STYK1: variants seen among roughly 807,000 people sequenced by gnomAD.
STYK1 encodes the protein STY kinase 1.
Under a neutral mutation model 48.1 loss-of-function variants are expected in STYK1, and 46 were observed. The ratio of observed to expected loss-of-function variants is 0.96; its 90% CI spans 0.75 to 1.22. The LOEUF (loss-of-function observed/expected upper bound fraction) is 1.22. Among genes scored for constraint, STYK1 ranks in the 50% most tolerant of loss-of-function variants. The probability of loss-of-function intolerance (pLI) is 0.00; values close to 1 mark genes in which losing one functional copy is unlikely to be tolerated. For missense variants in STYK1, 527 were observed against 521.1 expected (o/e 1.01, Z -0.11); for synonymous variants, 188 against 189.0 (o/e 0.99, Z 0.04).
chr12:10,624,939 T>C, intron 7 of STYK1, 80 bp from the exon 8 acceptor site: 2 of 1,289,632 alleles, frequency 1.6e-6, no homozygotes, highest in Admixed American at 3.5e-5. Context: ...GTCCTAGGAA[T>C]CTTCAAAAAC....
intron 8 of STYK1, among the ~76,000 whole-genome samples, chr12:10,623,661 GA>G (rs1251217727): frequency 6.6e-6 from 1 of 152,122 alleles, no homozygotes; most frequent in East Asian, 1.9e-4. Flanking sequence ...ATAAACTGCT[GA>G]AAAAGAAAGT....
chr12:10,648,077 A>C (rs1402367590), intron 1 of STYK1, among the ~76,000 whole-genome samples: 1 of 152,202 alleles, frequency 6.6e-6, no homozygotes, highest in African/African-American at 2.4e-5. Context: ...ATGACTTCAG[A>C]TATCAGCTTC....
chr12:10,620,429 A>G (rs1407712292), intron 10 of STYK1, 81 bp from the exon 11 acceptor site: 3 of 1,301,128 alleles, frequency 2.3e-6, no homozygotes. Flanking sequence ...ACAAACTTTA[A>G]CAAACAACTC....
Position 10,619,939 on chromosome 12 carries a change from G to T in STYK1, c.*205C>A. On this transcript the variant is annotated 3_prime_UTR_variant, in exon 11 of 11. Transcript: ENST00000075503. ...GATTTCTAGGACTGGGACAGCAGAA[G>T]TGAGACTGACAGTATGTCTTAGCTC... The T allele has an allele frequency of 1.6e-6, 1 of 627,468 alleles. No individual in the cohort carries two copies. Among genetic ancestry groups the T allele is most frequent in the Non-Finnish European group, 2.8e-6 (1 of 360,736 alleles). 38.9% of individuals were successfully genotyped at this position (627,468 alleles called of 1,614,324 possible). A position where few individuals can be genotyped will look rare whatever the true frequency, so the allele number is the denominator to read the frequency against.
At chr12:10,650,865 C>T (rs562539505) in intron 1 of STYK1, among the ~76,000 whole-genome samples, 7 of 152,008 alleles carry the variant, frequency 4.6e-5, no homozygotes, top group Non-Finnish European at 1.0e-4. Context: ...ATTAGCCGGG[C>T]GTGGTGGCAC....
chr12:10,648,027 C>T (rs1947619901), intron 1 of STYK1, among the ~76,000 whole-genome samples: 1 of 152,130 alleles, frequency 6.6e-6, no homozygotes, highest in Admixed American at 6.6e-5. Context: ...TAATACACCA[C>T]TCCTCTTAGA....
In STYK1 at chr12:10,620,184, A is replaced by T. The variant is rs1865883473; in HGVS notation, c.1229T>A (p.Ile410Asn). 6.2e-7 allele frequency: 1 copy of T among 1,614,068 alleles called. No individual in the cohort carries two copies. Among genetic ancestry groups the T allele is most frequent in the Admixed American group, 1.7e-5 (1 of 59,994 alleles). Residue 410 changes from isoleucine (I) to asparagine (N), a missense_variant, in exon 11 of 11, where the codon ATC becomes AAC. Transcript: ENST00000075503. ...GTTGTAGAAGAGGCTCTCCACTCTG[A>T]TGCCGGCCACAGCTGCATACAGTTC... ...VPELYAAVAG[I>N]RVESLFYNYS...
chr12:10,665,019 A>G (rs1335424518), intron 1 of STYK1, among the ~76,000 whole-genome samples: 2 of 151,448 alleles, frequency 1.3e-5, no homozygotes, highest in Admixed American at 6.6e-5. Context: ...GGACCTTCCA[A>G]TCATGAATCC....
At chr12:10,652,199 ACT>A (rs1947669578) in intron 1 of STYK1, among the ~76,000 whole-genome samples, 1 of 151,982 alleles carries the variant, frequency 6.6e-6, no homozygotes, top group East Asian at 1.9e-4. Context: ...AATTCACCAG[ACT>A]CTAATTTATT....
At chr12:10,653,352 C>G (rs1240312789) in intron 1 of STYK1, among the ~76,000 whole-genome samples, 2 of 151,842 alleles carry the variant, frequency 1.3e-5, no homozygotes, top group Non-Finnish European at 2.9e-5. Flanking sequence ...ATGCCTGGCC[C>G]AATTAACATA....
At chr12:10,651,539 G>C (rs185274760) in intron 1 of STYK1, among the ~76,000 whole-genome samples, 1 of 152,268 alleles carries the variant, frequency 6.6e-6, no homozygotes, top group East Asian at 1.9e-4. Context: ...ACAACACCTA[G>C]TACATAGTAA....
chr12:10,670,995 A>ATTTT (rs763044772), intron 1 of STYK1, among the ~76,000 whole-genome samples: 4,387 of 110,408 alleles, frequency 0.04, 391 homozygotes, highest in African/African-American at 0.074. Context: ...GAATATATTG[A>ATTTT]TTTTTTTTTT....
intron 1 of STYK1, among the ~76,000 whole-genome samples, chr12:10,663,384 G>A (rs954816162): frequency 5.3e-5 from 8 of 151,880 alleles, no homozygotes; most frequent in South Asian, 2.1e-4. Flanking sequence ...AGGCTGAGGC[G>A]GGAGGATCAT....
intron 6 of STYK1, among the ~76,000 whole-genome samples, chr12:10,628,598 G>C (rs983143843): frequency 9.9e-5 from 15 of 152,156 alleles, no homozygotes; most frequent in African/African-American, 2.4e-4. Flanking sequence ...TACACATTCA[G>C]TTGTACAATA....
At chr12:10,661,539 T>C (rs1010761976) in intron 1 of STYK1, among the ~76,000 whole-genome samples, 2 of 152,252 alleles carry the variant, frequency 1.3e-5, no homozygotes, top group Admixed American at 6.5e-5. Context: ...CTGGTTTTGA[T>C]TCCCACTATT....
chr12:10,634,671 C>G lies in STYK1; in HGVS notation c.-53G>C. 6.3e-7 allele frequency: 1 copy of G among 1,589,436 alleles called. No individual in the cohort carries two copies. Among genetic ancestry groups the G allele is most frequent in the Non-Finnish European group, 8.6e-7 (1 of 1,160,476 alleles). On this transcript the variant is annotated 5_prime_UTR_variant, in exon 3 of 11. Coordinates refer to ENST00000075503, the MANE Select transcript of STYK1 (RefSeq NM_018423.3). ...AGGCCCACAGAGAATGCACACAGCA[C>G]AGCTGTGAGTAATTCCTAAGGATTG...
chr12:10,664,880 G>A (rs1375528149), intron 1 of STYK1, among the ~76,000 whole-genome samples: 5 of 152,004 alleles, frequency 3.3e-5, no homozygotes, highest in Non-Finnish European at 7.4e-5. Flanking sequence ...CCCCATTTTT[G>A]TAATAGGAAA....
chr12:10,637,336 A>AT (rs531819965), intron 1 of STYK1, 140 bp from the exon 2 acceptor site: 1,427 of 130,658 alleles, frequency 0.011, 25 homozygotes, highest in African/African-American at 0.024. Context: ...TGAGTCTAGG[A>AT]TTTTTTTTTT....
chr12:10,631,125 C>T lies in STYK1; in HGVS notation c.371G>A (p.Ser124Asn). 6.2e-7 allele frequency: 1 copy of T among 1,614,200 alleles called. No individual in the cohort carries two copies. Among genetic ancestry groups the T allele is most frequent in the Middle Eastern group, 1.7e-4 (1 of 6,056 alleles). The part of the protein sequence containing the change: ...SEVLEQICSG[S>N]CGPIFRANMN... The stretch of plus-strand genomic sequence containing the variant: ...ATTGGCTCGAAAGATGGGCCCACAG[C>T]TACCACTGCAAATCTGCTCCAGAAC... Residue 124 changes from serine (S) to asparagine (N), a missense_variant, in exon 5 of 11, where the codon AGC (serine) becomes AAC (asparagine). Coordinates refer to ENST00000075503, the MANE Select transcript of STYK1 (RefSeq NM_018423.3).
Sources: allele counts gnomAD v4.1 joint callset (sites outside exome capture counted in the v4.1 genomes callset), GRCh38; gene constraint gnomAD v4.1.1; transcripts MANE v1.5; gene names NCBI Gene and HGNC (gene_info 2026-07-23, HGNC 2026-07-21).